The following KHDRBS2 variants were observed in gnomAD, a reference collection of about 807,000 sequenced individuals.
KHDRBS2 encodes KH RNA binding domain containing, signal transduction associated 2.
A neutral mutation model predicts 44.3 loss-of-function variants in KHDRBS2; 26 were observed. The ratio of observed to expected loss-of-function variants is 0.59; its 90% confidence interval spans 0.43 to 0.81. The LOEUF is 0.81. Among genes scored for constraint, KHDRBS2 ranks in the 40% least tolerant of loss-of-function variants. The probability of loss-of-function intolerance (pLI) is 0.00; values close to 1 mark genes in which losing one functional copy is unlikely to be tolerated. For missense variants in KHDRBS2, 476 were observed against 433.1 expected, an observed-to-expected ratio of 1.10 and a Z score of -0.88; for synonymous variants, 194 against 151.1, an observed-to-expected ratio of 1.28 and a Z score of -2.08.
At chr6:61,556,876 T>A in the KHDRBS2 span, among the ~76,000 whole-genome samples, 1 of 79,506 alleles carries the variant, frequency 1.3e-5, no homozygotes, top group Non-Finnish European at 2.3e-5. Context: ...ATTGAGATTT[T>A]TTTTTTTTTT....
At chr6:62,010,363 A>G (rs1448839750) in intron 3 of KHDRBS2, among the ~76,000 whole-genome samples, 1 of 152,172 alleles carries the variant, frequency 6.6e-6, no homozygotes, top group Non-Finnish European at 1.5e-5. Context: ...TTACAGGCTC[A>G]TAGGTGGAAG....
chr6:62,172,804 A>G (rs1820326400), intron 2 of KHDRBS2, among the ~76,000 whole-genome samples: 5 of 151,998 alleles, frequency 3.3e-5, no homozygotes, highest in Admixed American at 3.3e-4. Context: ...AAATCACAGA[A>G]TTACGTGGAA....
intron 1 of KHDRBS2, among the ~76,000 whole-genome samples, chr6:62,214,737 T>C (rs866807828): frequency 2.0e-5 from 3 of 152,088 alleles, no homozygotes; most frequent in South Asian, 2.1e-4. Context: ...CCAACAAGTC[T>C]CTGTCACATA....
chr6:61,929,987 G>A (rs748993185), intron 4 of KHDRBS2, among the ~76,000 whole-genome samples: 13 of 152,104 alleles, frequency 8.5e-5, no homozygotes, highest in Non-Finnish European at 1.3e-4. Flanking sequence ...CAATGTGATA[G>A]TATTAAGATG....
the KHDRBS2 span, among the ~76,000 whole-genome samples, chr6:61,619,123 T>A: frequency 6.9e-6 from 1 of 144,734 alleles, no homozygotes; most frequent in Non-Finnish European, 1.6e-5. Flanking sequence ...TAATTAAAAA[T>A]TTTTTTTCAA....
At chr6:61,955,220 GTATA>G (rs1168732162) in intron 4 of KHDRBS2, among the ~76,000 whole-genome samples, 2 of 142,672 alleles carry the variant, frequency 1.4e-5, no homozygotes, top group South Asian at 2.2e-4. Flanking sequence ...ATACATATGT[GTATA>G]TATACACATA....
At chr6:61,576,339 G>T in the KHDRBS2 span, among the ~76,000 whole-genome samples, 1,250 of 152,096 alleles carry the variant, frequency 8.2e-3, 7 homozygotes, top group Middle Eastern at 0.01. Flanking sequence ...TATATTTTTT[G>T]TAGCTATTGT....
chr6:61,545,527 G>GTA, the KHDRBS2 span, among the ~76,000 whole-genome samples: 6 of 150,446 alleles, frequency 4.0e-5, no homozygotes, highest in African/African-American at 1.5e-4. Flanking sequence ...GTGTGTGTGT[G>GTA]TCTTTCTCTG....
intron 2 of KHDRBS2, among the ~76,000 whole-genome samples, chr6:62,111,979 A>C (rs561074901): frequency 2.0e-5 from 3 of 152,238 alleles, no homozygotes; most frequent in Middle Eastern, 3.4e-3. Flanking sequence ...TGGATTTCTA[A>C]GTTTCCTGGT....
In KHDRBS2 at chr6:62,006,373, A is replaced by T. The variant is rs187155625; in HGVS notation, c.337-28161T>A. Reference sequence around the variant, plus strand: ...AGAGCAAGACAAACATTTTCAGGTAAATAAAACTAAATGTCATTTTCTCCA... The same window carrying T: ...AGAGCAAGACAAACATTTTCAGGTATATAAAACTAAATGTCATTTTCTCCA... On this transcript the variant is annotated intron_variant, in intron 3 of 8. Coordinates refer to ENST00000281156, the MANE Select transcript of KHDRBS2 (RefSeq NM_152688.4). Among the ~76,000 whole-genome samples the T allele has an allele frequency of 1.7e-3, 259 of 152,196 alleles. 9 individuals are homozygous for T. The South Asian group carries it at 0.048, about 28-fold the overall frequency.
intron 8 of KHDRBS2, among the ~76,000 whole-genome samples, chr6:61,690,588 A>G (rs573741823): frequency 2.8e-4 from 43 of 152,200 alleles, no homozygotes; most frequent in African/African-American, 9.6e-4. Context: ...TTAACTGTTC[A>G]ACACACAATT....
At chr6:61,667,962 T>A in the KHDRBS2 span, among the ~76,000 whole-genome samples, 24 of 151,232 alleles carry the variant, frequency 1.6e-4, no homozygotes, top group Non-Finnish European at 3.6e-4. Context: ...AGGAATCAAA[T>A]AAACTCATCA....
chr6:62,075,474 A>T (rs1232606990), intron 2 of KHDRBS2, among the ~76,000 whole-genome samples: 1 of 151,948 alleles, frequency 6.6e-6, no homozygotes, highest in African/African-American at 2.4e-5. Context: ...TGGTATACCA[A>T]TGGTCCTGGT....
At chr6:61,816,724 T>G in intron 6 of KHDRBS2, 1 of 393,730 alleles carries the variant, frequency 2.5e-6, no homozygotes, top group Admixed American at 2.9e-5. Context: ...ATAAATCTAC[T>G]AAAATGTAGA....
intron 1 of KHDRBS2, among the ~76,000 whole-genome samples, chr6:62,204,049 C>A (rs1284229452): frequency 6.6e-6 from 1 of 152,152 alleles, no homozygotes; most frequent in East Asian, 1.9e-4. Flanking sequence ...CTCCCCATCC[C>A]CTTCCACCAT....
chr6:61,816,594 CTTTTGTT>C (rs1166212935), intron 6 of KHDRBS2: 1 of 448,132 alleles, frequency 2.2e-6, no homozygotes, highest in Admixed American at 2.4e-5. Flanking sequence ...AAATAAATGT[CTTTTGTT>C]TTAACTCACC....
At chr6:62,138,365 ATTG>A (rs1273785512) in intron 2 of KHDRBS2, among the ~76,000 whole-genome samples, 3 of 152,226 alleles carry the variant, frequency 2.0e-5, no homozygotes, top group African/African-American at 7.2e-5. Flanking sequence ...TAAAGCCAAT[ATTG>A]TTAAGAGCCA....
intron 6 of KHDRBS2, among the ~76,000 whole-genome samples, chr6:61,833,683 C>T (rs1792193033): frequency 6.6e-6 from 1 of 152,054 alleles, no homozygotes; most frequent in African/African-American, 2.4e-5. Flanking sequence ...AAAGCTCTTC[C>T]AAGGGCAAAT....
chr6:61,592,055 G>T, the KHDRBS2 span, among the ~76,000 whole-genome samples: 2 of 152,026 alleles, frequency 1.3e-5, no homozygotes, highest in African/African-American at 4.8e-5. Flanking sequence ...GCCCAGTGTG[G>T]TGGCTCAGGT....
Sources: gnomAD v4.1 joint callset for allele counts (sites outside exome capture counted in the v4.1 genomes callset) on GRCh38, gnomAD v4.1.1 for gene constraint, MANE v1.5 for transcripts, NCBI Gene and HGNC (gene_info 2026-07-23, HGNC 2026-07-21) for gene names.